ASB5: variants seen among roughly 807,000 people sequenced by gnomAD.
ASB5 encodes ankyrin repeat and SOCS box protein 5.
Under a neutral mutation model 42.1 loss-of-function variants are expected in ASB5, and 45 were observed. The ratio of observed to expected loss-of-function variants is 1.07; its 90% CI spans 0.84 to 1.37. The LOEUF (loss-of-function observed/expected upper bound fraction) is 1.37, where lower values mean the gene tolerates loss of function less well. Among genes scored for constraint, ASB5 ranks in the 40% most tolerant of loss-of-function variants. ASB5 has a pLI of 0.00. For synonymous variants in ASB5, 147 were observed against 150.6 expected (o/e 0.98, Z 0.18); for missense variants, 402 against 399.8 (o/e 1.01, Z -0.05).
intron 1 of ASB5, among the ~76,000 whole-genome samples, chr4:176,225,729 A>G (rs958642350): frequency 6.6e-6 from 1 of 152,134 alleles, no homozygotes; most frequent in African/African-American, 2.4e-5. Context: ...AGCAGGGACT[A>G]CAGGCGCACA....
At chr4:176,230,122 T>C (rs920059028) in intron 1 of ASB5, among the ~76,000 whole-genome samples, 2 of 152,066 alleles carry the variant, frequency 1.3e-5, no homozygotes, top group Non-Finnish European at 2.9e-5. Context: ...TGAAGCAGGA[T>C]TGAGGGAGGA....
intron 1 of ASB5, among the ~76,000 whole-genome samples, chr4:176,250,499 C>A (rs887107121): frequency 1.3e-5 from 2 of 152,170 alleles, no homozygotes; most frequent in Non-Finnish European, 2.9e-5. Flanking sequence ...CTCAGCTTTA[C>A]AAAATGACCT....
chr4:176,237,414 A>T (rs1441740253), intron 1 of ASB5: 7 of 985,768 alleles, frequency 7.1e-6, no homozygotes, highest in Non-Finnish European at 8.4e-6. Flanking sequence ...ATATCTGCGG[A>T]CATAGTTTGG....
chr4:176,237,363 T>C (rs1753711568), intron 1 of ASB5: 1 of 985,776 alleles, frequency 1.0e-6, no homozygotes, highest in African/African-American at 1.7e-5. Flanking sequence ...ACTAGCCTTC[T>C]TTTCGTGAGG....
intron 1 of ASB5, among the ~76,000 whole-genome samples, chr4:176,242,640 G>A (rs1753832961): frequency 6.6e-6 from 1 of 152,092 alleles, no homozygotes; most frequent in Non-Finnish European, 1.5e-5. Context: ...CTGTAACAAC[G>A]ACAAGTTTGG....
At chr4:176,233,162 C>T (rs2126956699) in intron 1 of ASB5, among the ~76,000 whole-genome samples, 1 of 152,256 alleles carries the variant, frequency 6.6e-6, no homozygotes, top group Non-Finnish European at 1.5e-5. Context: ...TAAACAATTA[C>T]TTTCATATAT....
At chr4:176,259,997 C>A (rs1240660655) in intron 1 of ASB5, among the ~76,000 whole-genome samples, 1 of 152,098 alleles carries the variant, frequency 6.6e-6, no homozygotes, top group African/African-American at 2.4e-5. Flanking sequence ...CTCATCTAAT[C>A]CCTAGGAAAG....
intron 1 of ASB5, among the ~76,000 whole-genome samples, chr4:176,234,410 C>T (rs1753631927): frequency 1.3e-5 from 2 of 152,178 alleles, no homozygotes; most frequent in South Asian, 4.1e-4. Flanking sequence ...TGTTCTCTGA[C>T]TTTAGTGCTC....
intron 1 of ASB5, 50 bp from the exon 2 acceptor site, chr4:176,225,391 A>G (rs1216241101): frequency 6.8e-7 from 1 of 1,477,220 alleles, no homozygotes; most frequent in Admixed American, 1.7e-5. Context: ...TCCAAGAGTC[A>G]AAGTGAATCC....
chr4:176,237,609 TAGGTGCAATGTGG>T (rs1753718090), intron 1 of ASB5: 2 of 980,382 alleles, frequency 2.0e-6, no homozygotes, highest in Middle Eastern at 5.2e-4. Context: ...TCAGGGCTGG[TAGGTGCAATGTGG>T]AGGATGGGCC....
chr4:176,223,720 C>CCA (rs1351378918), intron 2 of ASB5, among the ~76,000 whole-genome samples: 2 of 152,168 alleles, frequency 1.3e-5, no homozygotes, highest in African/African-American at 4.8e-5. Flanking sequence ...TCCCACACTG[C>CCA]CACACACTAG....
intron 2 of ASB5, among the ~76,000 whole-genome samples, chr4:176,224,554 G>C (rs1020714304): frequency 2.8e-5 from 4 of 145,180 alleles, no homozygotes; most frequent in Non-Finnish European, 6.0e-5. Flanking sequence ...TTAATTTGTA[G>C]TAGAGATGGA....
At chr4:176,259,795 A>G (rs1167996382) in intron 1 of ASB5, among the ~76,000 whole-genome samples, 2 of 152,180 alleles carry the variant, frequency 1.3e-5, no homozygotes, top group Non-Finnish European at 2.9e-5. Flanking sequence ...GTTAAATTTC[A>G]GTTTGTTTGT....
intron 1 of ASB5, among the ~76,000 whole-genome samples, chr4:176,226,278 G>T (rs887842456): frequency 6.6e-6 from 1 of 152,108 alleles, no homozygotes; most frequent in Admixed American, 6.6e-5. Context: ...CTCGAGTTGG[G>T]ACACTCTCCT....
intron 1 of ASB5, among the ~76,000 whole-genome samples, chr4:176,229,700 A>T (rs1753474759): frequency 6.6e-6 from 1 of 151,892 alleles, no homozygotes; most frequent in Non-Finnish European, 1.5e-5. Flanking sequence ...GAAGCCAGAT[A>T]TTACGTATGT....
upstream of ASB5, among the ~76,000 whole-genome samples, chr4:176,273,570 C>T (rs1359386662): frequency 1.3e-5 from 2 of 152,220 alleles, no homozygotes; most frequent in African/African-American, 4.8e-5. Flanking sequence ...GATAATCCAT[C>T]AAAAAGATAT....
chr4:176,222,746 A>C (rs1234303567), intron 2 of ASB5, among the ~76,000 whole-genome samples: 1 of 142,878 alleles, frequency 7.0e-6, no homozygotes, highest in Non-Finnish European at 1.5e-5. Context: ...AGAACTAAAC[A>C]CTCGTTTTGT....
chr4:176,219,450 G>T, intron 5 of ASB5, among the ~76,000 whole-genome samples: 1 of 66,226 alleles, frequency 1.5e-5, no homozygotes. Context: ...ATATTTGTAT[G>T]ATATATAAAT....
In ASB5 at chr4:176,214,148, T is replaced by A. The variant is rs1752906500; in HGVS notation, c.*1452A>T. 2 of 152,142 alleles carry A rather than the reference T, an allele frequency of 1.3e-5. No individual in the cohort carries two copies. The highest frequency in any genetic ancestry group is 6.6e-5 in the Admixed American group (1 of 15,266). 9.4% of individuals were successfully genotyped at this position (152,142 alleles called of 1,614,324 possible). On this transcript the variant is annotated 3_prime_UTR_variant, in exon 7 of 7. Coordinates refer to ENST00000296525, the MANE Select transcript of ASB5 (RefSeq NM_080874.4). ...CAAACGTTTTAAATCACAACTGATT[T>A]TTTTTCTTTCTGCCAAAATGCAAGC...
Sources: allele counts gnomAD v4.1 joint callset (sites outside exome capture counted in the v4.1 genomes callset), GRCh38; gene constraint gnomAD v4.1.1; transcripts MANE v1.5; gene names NCBI Gene and HGNC (gene_info 2026-07-23, HGNC 2026-07-21).